The following FER variants were observed in gnomAD, a reference collection of about 807,000 sequenced individuals.
The protein encoded by FER is FER tyrosine kinase, also known as tyrosine-protein kinase Fer.
In FER, 63 loss-of-function variants were observed where a neutral mutation model predicts 111.0. The ratio of observed to expected loss-of-function variants is 0.57; its 90% CI spans 0.46 to 0.70. The LOEUF is 0.70. FER is among the 30% of genes least tolerant of loss of function. FER has a pLI of 0.00. For synonymous variants in FER, 327 were observed against 313.9 expected (o/e 1.04, Z -0.44); for missense variants, 914 against 954.0 (o/e 0.96, Z 0.55).
intron 14 of FER, among the ~76,000 whole-genome samples, chr5:109,038,659 A>G (rs1770734893): frequency 6.6e-6 from 1 of 151,942 alleles, no homozygotes; most frequent in South Asian, 2.1e-4. Flanking sequence ...TTATTTCCTC[A>G]TCCTTAAGGA....
At chr5:108,968,793 T>C (rs1179890276) in intron 13 of FER, among the ~76,000 whole-genome samples, 1 of 152,044 alleles carries the variant, frequency 6.6e-6, no homozygotes, top group Non-Finnish European at 1.5e-5. Context: ...CAATACAAAC[T>C]CATACCACAA....
chr5:108,748,427 C>G (rs1470493323), intron 1 of FER: 2 of 152,322 alleles, frequency 1.3e-5, no homozygotes, highest in African/African-American at 2.4e-5. Flanking sequence ...GCCGAGTAGT[C>G]CCTTCCAGGC....
At chr5:109,167,458 A>G (rs1756673935) in intron 17 of FER, among the ~76,000 whole-genome samples, 1 of 152,148 alleles carries the variant, frequency 6.6e-6, no homozygotes, top group Non-Finnish European at 1.5e-5. Flanking sequence ...CCCAGATCAA[A>G]TAACCAGAAA....
intron 2 of FER, among the ~76,000 whole-genome samples, chr5:108,787,116 T>C (rs2150012842): frequency 6.6e-6 from 1 of 152,204 alleles, no homozygotes; most frequent in South Asian, 2.1e-4. Flanking sequence ...GGAAGCCCCC[T>C]GCCCCTGTAG....
At chr5:109,159,448 C>CTGTT (rs141325903) in intron 17 of FER, among the ~76,000 whole-genome samples, 57,094 of 151,660 alleles carry the variant, frequency 0.38, 10,934 homozygotes, top group Non-Finnish European at 0.4. Flanking sequence ...AGGGATCACT[C>CTGTT]TGTTGAATGA....
At chr5:108,912,596 G>A (rs1369014615) in intron 10 of FER, among the ~76,000 whole-genome samples, 1 of 152,132 alleles carries the variant, frequency 6.6e-6, no homozygotes, top group Non-Finnish European at 1.5e-5. Flanking sequence ...TCTGACCTCA[G>A]GTGATCCACC....
At chr5:109,153,789 C>A (rs865876148) in intron 17 of FER, among the ~76,000 whole-genome samples, 4 of 151,944 alleles carry the variant, frequency 2.6e-5, no homozygotes, top group Middle Eastern at 6.8e-3. Context: ...AATTTGAACC[C>A]AGGCTCTAGA....
chr5:109,107,277 C>G (rs116169862), intron 17 of FER, among the ~76,000 whole-genome samples: 2,595 of 152,110 alleles, frequency 0.017, 61 homozygotes, highest in African/African-American at 0.059. Flanking sequence ...TACCATTTTT[C>G]TTTTAGGGAA....
intron 13 of FER, among the ~76,000 whole-genome samples, chr5:108,973,645 C>A (rs1760966260): frequency 6.6e-6 from 1 of 152,006 alleles, no homozygotes; most frequent in African/African-American, 2.4e-5. Context: ...GAAATAGAAT[C>A]AACCTCAGCA....
chr5:108,889,702 A>T (rs994902855), intron 9 of FER, among the ~76,000 whole-genome samples: 22 of 151,972 alleles, frequency 1.4e-4, no homozygotes, highest in Non-Finnish European at 2.9e-5. Flanking sequence ...TAAATGCTTG[A>T]GGTGATGGAT....
intron 2 of FER, chr5:108,785,345 C>A: frequency 1.7e-6 from 1 of 574,924 alleles, no homozygotes. Flanking sequence ...CTGCTACTGG[C>A]TCTGTGCTGC....
At chr5:109,094,515 TATAAG>T (rs199678224) in intron 16 of FER, among the ~76,000 whole-genome samples, 241 of 152,290 alleles carry the variant, frequency 1.6e-3, no homozygotes, top group African/African-American at 5.5e-3. Flanking sequence ...AGTCATTTCA[TATAAG>T]AGATACTACT....
intron 17 of FER, among the ~76,000 whole-genome samples, chr5:109,125,741 C>T (rs2126535153): frequency 6.6e-6 from 1 of 152,296 alleles, no homozygotes; most frequent in African/African-American, 2.4e-5. Context: ...TATAGTCCTT[C>T]TAAAAACCTG....
chr5:109,079,700 G>A (rs1175847122), intron 16 of FER, among the ~76,000 whole-genome samples: 5 of 151,978 alleles, frequency 3.3e-5, no homozygotes, highest in Admixed American at 6.6e-5. Flanking sequence ...ATGATACCCA[G>A]GAAAGGTTAT....
At chr5:108,883,838 C>T (rs998174625) in intron 9 of FER, among the ~76,000 whole-genome samples, 25 of 151,958 alleles carry the variant, frequency 1.6e-4, no homozygotes, top group Admixed American at 4.6e-4. Context: ...TCCATTTTCA[C>T]CAGACCCATT....
intron 10 of FER, among the ~76,000 whole-genome samples, chr5:108,933,738 A>G (rs910682189): frequency 8.5e-5 from 13 of 152,302 alleles, no homozygotes; most frequent in South Asian, 2.1e-4. Context: ...ACCCATGAGC[A>G]TGGAATTTTT....
chr5:109,144,590 C>T (rs757205730), intron 17 of FER, among the ~76,000 whole-genome samples: 2 of 152,074 alleles, frequency 1.3e-5, no homozygotes, highest in Non-Finnish European at 2.9e-5. Context: ...CTGAAATGTG[C>T]ATTTGGCTTG....
intron 13 of FER, among the ~76,000 whole-genome samples, chr5:108,968,082 C>G (rs1417427695): frequency 2.6e-5 from 4 of 152,130 alleles, no homozygotes; most frequent in African/African-American, 9.7e-5. Flanking sequence ...TTTACCACCT[C>G]CAACAAAAAT....
At chr5:108,881,442 A>G (rs922169468) in intron 8 of FER, among the ~76,000 whole-genome samples, 6 of 152,146 alleles carry the variant, frequency 3.9e-5, no homozygotes. Flanking sequence ...ACCTGCCCCC[A>G]TGATTCAGTT....
Sources: allele counts gnomAD v4.1 joint callset (sites outside exome capture counted in the v4.1 genomes callset), GRCh38; gene constraint gnomAD v4.1.1; transcripts MANE v1.5; gene names NCBI Gene and HGNC (gene_info 2026-07-23, HGNC 2026-07-21).